Variants in GLI3 observed in about 807,000 individuals in gnomAD.
GLI3 encodes GLI family zinc finger 3.
A neutral mutation model predicts 100.8 loss-of-function variants in GLI3; 20 were observed. The ratio of observed to expected loss-of-function variants is 0.20; its 90% CI spans 0.14 to 0.29. The LOEUF (loss-of-function observed/expected upper bound fraction) is 0.29. GLI3 is among the 10% of genes least tolerant of loss of function. The pLI, the probability that GLI3 is intolerant of heterozygous loss-of-function variation, is 1.00. For missense variants in GLI3, 2,040 were observed against 2,128.5 expected (o/e 0.96, Z 0.82); for synonymous variants, 938 against 860.5 (o/e 1.09, Z -1.58).
chr7:42,022,328 A>G (rs997990773), intron 10 of GLI3, among the ~76,000 whole-genome samples: 34 of 152,208 alleles, frequency 2.2e-4, no homozygotes, highest in Admixed American at 2.2e-3. Flanking sequence ...AGAGACACAC[A>G]TTAAAAGTTC....
At chr7:42,086,783 G>A (rs1206285679) in intron 3 of GLI3, among the ~76,000 whole-genome samples, 1 of 152,116 alleles carries the variant, frequency 6.6e-6, no homozygotes, top group African/African-American at 2.4e-5. Flanking sequence ...CAGTAGGGAC[G>A]ACCCGAGGAA....
At position 42,076,864 on chromosome 7, in the gene GLI3, A is replaced by G. The variant is rs74376818; in HGVS notation, c.368-7T>C. 6.5e-7 allele frequency: 1 copy of G among 1,540,330 alleles called. No homozygotes were observed. Among genetic ancestry groups the G allele is most frequent in the East Asian group, 2.2e-5 (1 of 44,530 alleles). ...GGGAAAAGATGAGGAGGGTCTGAAA[A>G]GAAGAGAGAGCCCAATCTATATCAA... On this transcript the variant is annotated splice_region_variant and splice_polypyrimidine_tract_variant and intron_variant, in intron 3 of 14. Transcript: ENST00000395925.
Position 42,026,207 on chromosome 7 carries a change from A to C in GLI3, c.1234T>G (p.Ser412Ala), listed in dbSNP as rs946022697. Residue 412 changes from serine to alanine, a missense_variant, in exon 8 of 15, where the codon TCC (serine) becomes GCC (alanine). Ser to Ala is a moderately conservative substitution (Grantham distance 99). Around this residue, in one of 5 missense-constraint regions of GLI3, gnomAD observed 603 missense variants for 690.9 expected, o/e 0.87. Transcript: ENST00000395925. Reference sequence around the variant, plus strand: ...CGACCTGTCCCTCTCACCTGTGAGGACTCAGAAGGGCCGGAGCTGACCTGG... The same window carrying C: ...CGACCTGTCCCTCTCACCTGTGAGGCCTCAGAAGGGCCGGAGCTGACCTGG... ...PVQVSSGPSE[S>A]SQNKPTSESA... The C allele has an allele frequency of 1.2e-6, 2 of 1,611,544 alleles. No individual in the cohort carries two copies. Among genetic ancestry groups the C allele is most frequent in the Non-Finnish European group, 1.7e-6 (2 of 1,178,528 alleles).
intron 2 of GLI3, among the ~76,000 whole-genome samples, chr7:42,179,215 T>C (rs1227672380): frequency 3.3e-5 from 5 of 152,236 alleles, no homozygotes; most frequent in Admixed American, 6.5e-5. Flanking sequence ...ATGTGAGATG[T>C]GCCTTTCACC....
intron 10 of GLI3, among the ~76,000 whole-genome samples, chr7:42,016,703 C>CCATCAT (rs532668811): frequency 6.6e-6 from 1 of 151,714 alleles, no homozygotes; most frequent in African/African-American, 2.4e-5. Context: ...ATCATCACCA[C>CCATCAT]CATCATCATC....
chr7:42,232,469 A>T (rs942377249), intron 1 of GLI3, among the ~76,000 whole-genome samples: 5 of 152,206 alleles, frequency 3.3e-5, no homozygotes, highest in African/African-American at 1.2e-4. Context: ...GCACTAATAC[A>T]CTGATGACTA....
chr7:42,096,974 T>A (rs1314614112), intron 3 of GLI3, among the ~76,000 whole-genome samples: 1 of 152,160 alleles, frequency 6.6e-6, no homozygotes, highest in Non-Finnish European at 1.5e-5. Flanking sequence ...GCCTAAGGGA[T>A]GTTTAATAAA....
chr7:42,034,312 G>T (rs573519619), intron 7 of GLI3, among the ~76,000 whole-genome samples: 10 of 152,180 alleles, frequency 6.6e-5, no homozygotes, highest in Non-Finnish European at 1.5e-4. Context: ...TTGAATTTGT[G>T]GTTCTGCCAT....
intron 2 of GLI3, among the ~76,000 whole-genome samples, chr7:42,187,796 A>C (rs1312409047): frequency 6.6e-6 from 1 of 151,996 alleles, no homozygotes; most frequent in Non-Finnish European, 1.5e-5. Context: ...CAAGGTCAGG[A>C]GATCCAGACC....
At chr7:42,160,973 T>TA (rs1430570489) in intron 2 of GLI3, among the ~76,000 whole-genome samples, 1 of 152,246 alleles carries the variant, frequency 6.6e-6, no homozygotes, top group Non-Finnish European at 1.5e-5. Context: ...CAACATTTAC[T>TA]AGACAAGTAT....
chr7:42,119,914 C>T (rs1785954175), intron 3 of GLI3, among the ~76,000 whole-genome samples: 1 of 152,190 alleles, frequency 6.6e-6, no homozygotes, highest in South Asian at 2.1e-4. Flanking sequence ...CAGCCCAAAA[C>T]TCCCGGGGAT....
intron 3 of GLI3, among the ~76,000 whole-genome samples, chr7:42,123,002 C>T (rs938795130): frequency 6.6e-6 from 1 of 152,164 alleles, no homozygotes; most frequent in East Asian, 1.9e-4. Context: ...ATATTCTACA[C>T]CTCTACTGTT....
chr7:42,168,545 A>G (rs902618694), intron 2 of GLI3, among the ~76,000 whole-genome samples: 16 of 152,232 alleles, frequency 1.1e-4, no homozygotes, highest in African/African-American at 3.6e-4. Context: ...ACAACTACAT[A>G]TAATGTAGAT....
intron 4 of GLI3, among the ~76,000 whole-genome samples, chr7:42,062,627 C>T (rs1043933925): frequency 3.9e-5 from 6 of 152,094 alleles, no homozygotes; most frequent in South Asian, 2.1e-4. Flanking sequence ...TTCTCCCATC[C>T]AGGTTTGTGC....
chr7:42,126,960 G>A (rs540314934), intron 3 of GLI3, among the ~76,000 whole-genome samples: 31 of 152,118 alleles, frequency 2.0e-4, no homozygotes, highest in African/African-American at 5.5e-4. Context: ...AATGACGAGC[G>A]TCAGTCCACA....
intron 3 of GLI3, among the ~76,000 whole-genome samples, chr7:42,109,887 C>T (rs1466663823): frequency 6.6e-6 from 1 of 152,220 alleles, no homozygotes; most frequent in East Asian, 1.9e-4. Context: ...CAGGAAGGAA[C>T]ACTGACCAAG....
chr7:42,059,171 T>C (rs1784518973), intron 4 of GLI3, among the ~76,000 whole-genome samples: 1 of 152,204 alleles, frequency 6.6e-6, no homozygotes, highest in Non-Finnish European at 1.5e-5. Context: ...TGACAACTTG[T>C]TTTTAAATAA....
intron 1 of GLI3, among the ~76,000 whole-genome samples, chr7:42,245,803 C>T (rs1788964753): frequency 6.6e-6 from 1 of 151,446 alleles, no homozygotes; most frequent in Non-Finnish European, 1.5e-5. Context: ...ATTTCATCAC[C>T]CCTTATTTTA....
At chr7:42,200,126 A>G (rs973028201) in intron 2 of GLI3, among the ~76,000 whole-genome samples, 6 of 152,248 alleles carry the variant, frequency 3.9e-5, no homozygotes, top group Non-Finnish European at 7.3e-5. Flanking sequence ...TGGCAGAAAT[A>G]AGACTTGGCA....
Sources: gnomAD v4.1 joint callset for allele counts (sites outside exome capture counted in the v4.1 genomes callset) on GRCh38, gnomAD v4.1.1 for gene constraint, gnomAD v4.1.1 regional missense constraint, MANE v1.5 for transcripts, NCBI Gene and HGNC (gene_info 2026-07-23, HGNC 2026-07-21) for gene names.